PHF2: variants seen among roughly 807,000 people sequenced by gnomAD.
PHF2 encodes lysine-specific demethylase PHF2.
Under a neutral mutation model 120.5 loss-of-function variants are expected in PHF2, and 27 were observed. The observed-to-expected ratio is 0.22, with a 90% CI of 0.17 to 0.31. The LOEUF (loss-of-function observed/expected upper bound fraction) is 0.31. Among genes scored for constraint, PHF2 ranks in the 10% least tolerant of loss-of-function variants. The probability of loss-of-function intolerance (pLI) is 1.00; values close to 1 mark genes in which losing one functional copy is unlikely to be tolerated. For synonymous variants in PHF2, 568 were observed against 592.5 expected (o/e 0.96, Z 0.60); for missense variants, 1,024 against 1,434.8 (o/e 0.71, Z 4.63).
chr9:93,605,320 C>G (rs1239346768), intron 1 of PHF2, among the ~76,000 whole-genome samples: 1 of 152,174 alleles, frequency 6.6e-6, no homozygotes, highest in Non-Finnish European at 1.5e-5. Flanking sequence ...TGGACTCAAG[C>G]AGTCCTCCCA....
intron 1 of PHF2, among the ~76,000 whole-genome samples, chr9:93,619,952 T>C (rs557465625): frequency 5.3e-5 from 8 of 152,316 alleles, no homozygotes; most frequent in African/African-American, 1.9e-4. Context: ...TCTCCTGGTC[T>C]GGTCTGCCCT....
chr9:93,658,673 G>C (rs1826504684), intron 10 of PHF2, among the ~76,000 whole-genome samples: 1 of 152,072 alleles, frequency 6.6e-6, no homozygotes, highest in Non-Finnish European at 1.5e-5. Context: ...GGGAGTGGCT[G>C]GCCCCAGGAC....
chr9:93,582,911 G>C (rs1862959074), intron 1 of PHF2, among the ~76,000 whole-genome samples: 2 of 152,100 alleles, frequency 1.3e-5, no homozygotes, highest in South Asian at 4.1e-4. Flanking sequence ...AAAAATTGAG[G>C]TGAAATTCAT....
intron 1 of PHF2, among the ~76,000 whole-genome samples, chr9:93,583,431 A>G (rs1427664559): frequency 6.6e-6 from 1 of 152,204 alleles, no homozygotes. Flanking sequence ...TATACTTGGG[A>G]ATGGAATTGC....
chr9:93,668,216 G>A (rs954512055), intron 17 of PHF2, among the ~76,000 whole-genome samples: 45 of 152,296 alleles, frequency 3.0e-4, no homozygotes, highest in African/African-American at 9.9e-4. Flanking sequence ...CATGACAGGA[G>A]GCTTCCATAG....
At chr9:93,615,971 A>C (rs183232809) in intron 1 of PHF2, among the ~76,000 whole-genome samples, 194 of 152,350 alleles carry the variant, frequency 1.3e-3, no homozygotes, top group Non-Finnish European at 2.3e-3. Context: ...TTATAAAAGG[A>C]ATACATGCTC....
chr9:93,620,423 C>G (rs1825807032), intron 1 of PHF2, among the ~76,000 whole-genome samples: 1 of 152,198 alleles, frequency 6.6e-6, no homozygotes, highest in Admixed American at 6.5e-5. Flanking sequence ...CTGGGGGATC[C>G]TTTGTGAGCT....
At chr9:93,582,651 T>C (rs1323198099) in intron 1 of PHF2, among the ~76,000 whole-genome samples, 3 of 152,212 alleles carry the variant, frequency 2.0e-5, no homozygotes, top group Admixed American at 1.3e-4. Context: ...CCCGCCACCA[T>C]AGTGCTGGGT....
chr9:93,652,552 A>G (rs1253615044), intron 5 of PHF2, among the ~76,000 whole-genome samples: 1 of 151,860 alleles, frequency 6.6e-6, no homozygotes, highest in Non-Finnish European at 1.5e-5. Context: ...CGGCCTCCCA[A>G]AGTGCTGAGA....
intron 6 of PHF2, 34 bp downstream of exon 6, chr9:93,653,399 C>A (rs780892255): frequency 6.9e-6 from 11 of 1,603,138 alleles, no homozygotes; most frequent in Non-Finnish European, 8.5e-6. Context: ...CTCTGCCTTG[C>A]CATGGCCATG....
At chr9:93,668,241 G>A (rs900790295) in intron 17 of PHF2, among the ~76,000 whole-genome samples, 8 of 152,194 alleles carry the variant, frequency 5.3e-5, no homozygotes, top group African/African-American at 1.7e-4. Context: ...TTAGGGGACA[G>A]ATTTCCTGCT....
chr9:93,659,694 C>A, intron 11 of PHF2, 94 bp downstream of exon 11: 1 of 1,169,272 alleles, frequency 8.6e-7, no homozygotes, highest in African/African-American at 1.5e-5. Context: ...TAACACAGAG[C>A]TGCCAGGTCT....
At chr9:93,614,955 G>A (rs1001749354) in intron 1 of PHF2, among the ~76,000 whole-genome samples, 2 of 151,822 alleles carry the variant, frequency 1.3e-5, no homozygotes, top group South Asian at 2.1e-4. Flanking sequence ...TGATGATGAT[G>A]GTAGTGATGA....
intron 1 of PHF2, among the ~76,000 whole-genome samples, chr9:93,582,892 A>G (rs149143257): frequency 4.3e-4 from 65 of 152,350 alleles, no homozygotes; most frequent in African/African-American, 1.6e-3. Flanking sequence ...CGAGCCTTTT[A>G]CCTTTTTTAA....
chr9:93,675,581 A>G (rs935150167), intron 19 of PHF2, 99 bp from the exon 20 acceptor site: 2 of 885,382 alleles, frequency 2.3e-6, no homozygotes, highest in Non-Finnish European at 3.6e-6. Context: ...CTGCCTGGCC[A>G]GGGGGACAGG....
rs553409391 is a variant in PHF2 at position 93,601,989 on chromosome 9, C to T, written c.98+25118C>T. Among the ~76,000 whole-genome samples, 21 of 152,082 alleles carry T rather than the reference C, an allele frequency of 1.4e-4. No individual in the cohort carries two copies. In the South Asian group the frequency reaches 2.1e-3, roughly 15 times the overall value. On this transcript the variant is annotated intron_variant, in intron 1 of 21. Transcript: ENST00000359246. ...CTTTTGTCAATTCCACACCATCACA[C>T]GGCCATCTGTCCTCCTCTCTGGAGC... is the stretch of plus-strand genomic sequence containing the variant.
intron 1 of PHF2, among the ~76,000 whole-genome samples, chr9:93,596,907 C>T (rs1178669852): frequency 3.3e-5 from 5 of 149,924 alleles, no homozygotes; most frequent in South Asian, 2.1e-4. Context: ...TACAGGCACG[C>T]GCCAGCACGC....
At chr9:93,624,916 T>C (rs1045128657) in intron 1 of PHF2, among the ~76,000 whole-genome samples, 1 of 152,214 alleles carries the variant, frequency 6.6e-6, no homozygotes, top group African/African-American at 2.4e-5. Flanking sequence ...ATGGTGGTGA[T>C]GGAGATGATG....
intron 17 of PHF2, among the ~76,000 whole-genome samples, chr9:93,667,500 A>G (rs1032039728): frequency 1.3e-4 from 20 of 152,276 alleles, no homozygotes; most frequent in African/African-American, 4.8e-4. Flanking sequence ...TTATGTGCCG[A>G]GACTGTTGTT....
Sources: allele counts gnomAD v4.1 joint callset (sites outside exome capture counted in the v4.1 genomes callset), GRCh38; gene constraint gnomAD v4.1.1; transcripts MANE v1.5; gene names NCBI Gene and HGNC (gene_info 2026-07-23, HGNC 2026-07-21).